GRTP1: variants seen among roughly 807,000 people sequenced by gnomAD.
The protein encoded by GRTP1 is growth hormone-regulated TBC protein 1.
In GRTP1, 56 loss-of-function variants were observed where a neutral mutation model predicts 38.1. That is an observed-to-expected ratio of 1.47 (90% CI 1.19 to 1.84). The LOEUF is 1.84. Ranked by LOEUF, GRTP1 falls within the 40% of genes most tolerant of loss-of-function variation. The pLI, the probability that GRTP1 is intolerant of heterozygous loss-of-function variation, is 0.00. For missense variants in GRTP1, 506 were observed against 453.9 expected (o/e 1.11, Z -1.04); for synonymous variants, 217 against 189.5 (o/e 1.14, Z -1.19).
intron 2 of GRTP1, chr13:113,359,644 T>A (rs1429189604): frequency 3.9e-5 from 6 of 152,040 alleles, no homozygotes; most frequent in Non-Finnish European, 4.4e-5. Context: ...AGCTCTGGAG[T>A]CAGACACTCT....
At position 113,342,019 on chromosome 13, in the gene GRTP1, C is replaced by T. The variant is rs981319666; in HGVS notation, c.562+2844G>A. Among the ~76,000 whole-genome samples, 1 of 151,984 alleles carries T rather than the reference C, an allele frequency of 6.6e-6. No individual in the cohort carries two copies. The highest frequency in any genetic ancestry group is 6.6e-5 in the Admixed American group (1 of 15,256). The stretch of plus-strand genomic sequence containing the variant: ...TGGAGTGTAGTGGTGTGATCTAGCT[C>T]ACTGCAACCTCAGCCTCCCTCAAGC... On this transcript the variant is annotated intron_variant, in intron 5 of 7. Coordinates refer to ENST00000375431, the MANE Select transcript of GRTP1 (RefSeq NM_024719.4). This position sits in a 1 kb window ranked among gnomAD's most constrained non-coding sequence, Gnocchi z 4.5.
chr13:113,324,496 G>A lies in GRTP1; in HGVS notation c.1003C>T (p.Gln335Ter), dbSNP rs372261501. The A allele has an allele frequency of 1.2e-6, 2 of 1,609,404 alleles. No homozygotes were observed. Among genetic ancestry groups the A allele is most frequent in the East Asian group, 2.2e-5 (1 of 44,724 alleles). ...RESCRARLLAQG is the reference protein window; with the variant it reads ...RESCRARLLA Reference sequence around the variant, plus strand: ...GCAGGGGACAGGCACGCTCACCCCTGTGCCAGCAGCCGGGCCCTGCAGCTC... The same window carrying A: ...GCAGGGGACAGGCACGCTCACCCCTATGCCAGCAGCCGGGCCCTGCAGCTC... Residue 335 changes from glutamine to a stop codon, truncating the protein, a stop_gained, in exon 8 of 8, where the codon CAG becomes TAG. Transcript: ENST00000375431. LOFTEE classifies it high-confidence loss of function.
chr13:113,340,734 T>C lies in GRTP1; in HGVS notation c.562+4129A>G, dbSNP rs536183435. 1.9e-3 allele frequency among the ~76,000 whole-genome samples: 276 copies of C among 149,032 alleles called. 1 individual carries two copies. The highest frequency in any genetic ancestry group is 3.1e-3 in the Non-Finnish European group (211 of 67,018). The stretch of plus-strand genomic sequence containing the variant: ...GGCGGAGCTTGCAGTGAGCCGAGAT[T>C]GCGCCACTGCACTCCAGCCTGGGCG... On this transcript the variant is annotated intron_variant, in intron 5 of 7. Coordinates refer to ENST00000375431, the MANE Select transcript of GRTP1 (RefSeq NM_024719.4).
chr13:113,331,629 G>A (rs1489884264), intron 5 of GRTP1, among the ~76,000 whole-genome samples: 1 of 149,768 alleles, frequency 6.7e-6, no homozygotes, highest in Non-Finnish European at 1.5e-5. Flanking sequence ...CTGCAAGGCT[G>A]GTTTTGCTGT....
chr13:113,325,336 C>T, intron 7 of GRTP1: 1 of 1,408,432 alleles, frequency 7.1e-7, no homozygotes, highest in East Asian at 2.5e-5. Context: ...GTCTATACGG[C>T]CTGCGCCAGG....
At chr13:113,355,145 C>G (rs1448662582) in intron 3 of GRTP1, 178 bp downstream of exon 3, 1 of 626,756 alleles carries the variant, frequency 1.6e-6, no homozygotes, top group East Asian at 2.7e-5. Context: ...GAATTACGAT[C>G]ATTGTTCTCC....
chr13:113,353,785 A>T (rs1388946879), intron 3 of GRTP1, among the ~76,000 whole-genome samples: 2 of 152,208 alleles, frequency 1.3e-5, no homozygotes, highest in Non-Finnish European at 2.9e-5. Flanking sequence ...TTAAAAAACA[A>T]TTCAGCCAGG....
chr13:113,338,906 A>G (rs2042990998), intron 5 of GRTP1, among the ~76,000 whole-genome samples: 1 of 120,952 alleles, frequency 8.3e-6, no homozygotes, highest in Non-Finnish European at 1.7e-5. Flanking sequence ...TTTTCTGCTT[A>G]GATTTTTTTT....
intron 5 of GRTP1, among the ~76,000 whole-genome samples, chr13:113,333,177 G>A (rs1745835341): frequency 6.6e-6 from 1 of 152,336 alleles, no homozygotes; most frequent in African/African-American, 2.4e-5. Context: ...GAGCTCGGAG[G>A]GTTGGCTTAC....
intron 2 of GRTP1, among the ~76,000 whole-genome samples, chr13:113,361,165 A>G (rs1203139089): frequency 6.6e-6 from 1 of 151,340 alleles, no homozygotes; most frequent in Non-Finnish European, 1.5e-5. Flanking sequence ...TTACTTCAAT[A>G]AAAACAAAAT....
intron 4 of GRTP1, among the ~76,000 whole-genome samples, chr13:113,346,612 C>G (rs1310326789): frequency 1.9e-4 from 1 of 5,330 alleles, no homozygotes; most frequent in African/African-American, 2.2e-4. Context: ...CTGTGCCTGA[C>G]AGTGGACCCG....
chr13:113,339,706 C>T (rs1372468333), intron 5 of GRTP1: 1 of 152,184 alleles, frequency 6.6e-6, no homozygotes, highest in Non-Finnish European at 1.5e-5. Flanking sequence ...TAACCTAATA[C>T]CACACCATTT....
At chr13:113,352,850 C>T (rs926720843) in intron 3 of GRTP1, among the ~76,000 whole-genome samples, 1 of 152,238 alleles carries the variant, frequency 6.6e-6, no homozygotes, top group Admixed American at 6.5e-5. Context: ...GCTCCAATTA[C>T]TAAGCACAGA....
At chr13:113,331,648 CTTTTTTTTT>C (rs59328510) in intron 5 of GRTP1, among the ~76,000 whole-genome samples, 8 of 92,990 alleles carry the variant, frequency 8.6e-5, no homozygotes, top group Non-Finnish European at 1.5e-4. Flanking sequence ...GTTTGGTTTA[CTTTTTTTTT>C]TTTTTTTTTT....
intron 4 of GRTP1, 121 bp from the exon 5 acceptor site, chr13:113,345,080 T>A: frequency 2.8e-6 from 3 of 1,087,018 alleles, no homozygotes; most frequent in Admixed American, 6.5e-5. Flanking sequence ...AAAACCTGCA[T>A]AATTGCAGAA....
chr13:113,324,829 CTTTTT>C, intron 7 of GRTP1: 5 of 1,003,150 alleles, frequency 5.0e-6, no homozygotes, highest in East Asian at 7.0e-5. Context: ...TTCCATTAGA[CTTTTT>C]TTTTTTTTTT....
intron 4 of GRTP1, among the ~76,000 whole-genome samples, chr13:113,347,632 G>A (rs186923125): frequency 6.3e-5 from 4 of 63,628 alleles, no homozygotes; most frequent in South Asian, 4.9e-4. Flanking sequence ...GAGCGGACCT[G>A]GGAGGACCTC....
At position 113,343,691 on chromosome 13, in the gene GRTP1, C is replaced by T. The variant is rs1437374551; in HGVS notation, c.562+1172G>A. ...CCGTGTGGTGTGGCTGTTCTGAGGA[C>T]AAGCGCAGCTCAGCAGGAAACTGAC... On this transcript the variant is annotated intron_variant, in intron 5 of 7. Coordinates refer to ENST00000375431, the MANE Select transcript of GRTP1 (RefSeq NM_024719.4). This position sits in a 1 kb window ranked among gnomAD's most constrained non-coding sequence, Gnocchi z 4.8. Among the ~76,000 whole-genome samples, 3 of 152,188 alleles carry T rather than the reference C, an allele frequency of 2.0e-5. No individual in the cohort carries two copies. The highest frequency in any genetic ancestry group is 6.5e-5 in the Admixed American group (1 of 15,278).
At position 113,346,071 on chromosome 13, in the gene GRTP1, C is replaced by CCTGACAGTGGACCCGGGAGGATCTCTGT. The variant is rs1566429006; in HGVS notation, c.466-1113_466-1112insACAGAGATCCTCCCGGGTCCACTGTCAG. 1.1e-3 allele frequency among the ~76,000 whole-genome samples: 10 copies of CCTGACAGTGGACCCGGGAGGATCTCTGT among 8,952 alleles called. 2 individuals carry two copies. The highest frequency in any genetic ancestry group is 3.8e-3 in the African/African-American group (10 of 2,666). The allele number at this position is 8,952 out of a possible 152,430, so 5.9% of individuals were successfully genotyped here. ...GAGAGCAGACCCGGGAGGACCTCTGCGGCTGAGCAGACCTGGGAAGACATC... is the reference window on the plus strand; with the variant it reads ...GAGAGCAGACCCGGGAGGACCTCTGCCTGACAGTGGACCCGGGAGGATCTCTGTGGCTGAGCAGACCTGGGAAGACATC... On this transcript the variant is annotated intron_variant, in intron 4 of 7. Coordinates refer to ENST00000375431, the MANE Select transcript of GRTP1 (RefSeq NM_024719.4).
Sources: gnomAD v4.1 joint callset for allele counts (sites outside exome capture counted in the v4.1 genomes callset) on GRCh38, gnomAD v4.1.1 for gene constraint, Gnocchi (gnomAD v3.1) non-coding constraint, MANE v1.5 for transcripts, NCBI Gene and HGNC (gene_info 2026-07-23, HGNC 2026-07-21) for gene names.